Variants in SLIT3 observed in about 807,000 individuals in gnomAD.
The protein encoded by SLIT3 is slit guidance ligand 3.
In SLIT3, 68 loss-of-function variants were observed where a neutral mutation model predicts 184.0. That is an observed-to-expected ratio of 0.37 (90% confidence interval 0.30 to 0.45). SLIT3 has a LOEUF of 0.45. Among genes scored for constraint, SLIT3 ranks in the 20% least tolerant of loss-of-function variants. The pLI, the probability that SLIT3 is intolerant of heterozygous loss-of-function variation, is 1.00. For synonymous variants in SLIT3, 831 were observed against 828.6 expected (o/e 1.00, Z -0.05); for missense variants, 1,707 against 2,026.0 (o/e 0.84, Z 3.02).
intron 7 of SLIT3, among the ~76,000 whole-genome samples, chr5:168,820,835 G>C (rs1425576804): frequency 6.6e-6 from 1 of 152,228 alleles, no homozygotes; most frequent in Non-Finnish European, 1.5e-5. Flanking sequence ...GAGAGGGTCA[G>C]TGTTCATTTT....
intron 1 of SLIT3, among the ~76,000 whole-genome samples, chr5:169,265,978 C>A (rs1313470754): frequency 1.3e-5 from 2 of 152,170 alleles, no homozygotes; most frequent in Non-Finnish European, 2.9e-5. Flanking sequence ...GACAACCCAG[C>A]CAACACACTC....
chr5:168,918,631 C>T (rs1258965003), intron 4 of SLIT3, among the ~76,000 whole-genome samples: 1 of 152,162 alleles, frequency 6.6e-6, no homozygotes, highest in East Asian at 1.9e-4. Context: ...CATAAACGGA[C>T]ATGTGGCTAT....
intron 3 of SLIT3, among the ~76,000 whole-genome samples, chr5:169,224,946 A>T (rs1055067306): frequency 2.0e-5 from 3 of 152,170 alleles, no homozygotes; most frequent in Non-Finnish European, 4.4e-5. Context: ...GGCCTCCCGA[A>T]GTGCTGGGAT....
At chr5:168,852,537 A>G (rs146193615) in intron 5 of SLIT3, among the ~76,000 whole-genome samples, 98 of 152,366 alleles carry the variant, frequency 6.4e-4, no homozygotes, top group African/African-American at 2.2e-3. Flanking sequence ...TCGAGGACAC[A>G]AATCGGCACA....
intron 3 of SLIT3, among the ~76,000 whole-genome samples, chr5:169,224,554 G>A (rs1764733755): frequency 1.3e-5 from 2 of 152,030 alleles, no homozygotes; most frequent in Non-Finnish European, 2.9e-5. Context: ...TTTTTGTAGA[G>A]ATGGGGTCTC....
chr5:168,670,419 T>G (rs1445451069), intron 34 of SLIT3, among the ~76,000 whole-genome samples: 1 of 152,204 alleles, frequency 6.6e-6, no homozygotes, highest in Non-Finnish European at 1.5e-5. Flanking sequence ...CCAGTATTGC[T>G]CTGAATTTCC....
intron 23 of SLIT3, among the ~76,000 whole-genome samples, chr5:168,716,666 G>C (rs1350482371): frequency 6.6e-6 from 1 of 152,234 alleles, no homozygotes; most frequent in African/African-American, 2.4e-5. Flanking sequence ...CATCTTGGCA[G>C]AGCGGTCAGC....
chr5:169,231,825 A>G (rs1397084249), intron 3 of SLIT3, among the ~76,000 whole-genome samples: 1 of 152,212 alleles, frequency 6.6e-6, no homozygotes, highest in East Asian at 1.9e-4. Context: ...CTCATCACCA[A>G]CACTTGATAT....
intron 20 of SLIT3, among the ~76,000 whole-genome samples, chr5:168,739,227 G>T (rs181408792): frequency 1.2e-3 from 188 of 152,240 alleles, no homozygotes; most frequent in Admixed American, 3.6e-3. Flanking sequence ...CATGGGGAAA[G>T]TTCCATTCAA....
At chr5:168,857,369 T>TTTG (rs1443382110) in intron 5 of SLIT3, among the ~76,000 whole-genome samples, 1 of 137,030 alleles carries the variant, frequency 7.3e-6, no homozygotes, top group Non-Finnish European at 1.6e-5. Context: ...CAGTAGAGTT[T>TTTG]TTGTTTTTGT....
chr5:168,791,496 T>G (rs979335919), intron 10 of SLIT3: 1 of 152,248 alleles, frequency 6.6e-6, no homozygotes, highest in African/African-American at 2.4e-5. Flanking sequence ...ACTGCATATT[T>G]AGGCTGGTTC....
At chr5:168,946,733 C>G (rs1038949524) in intron 4 of SLIT3, among the ~76,000 whole-genome samples, 2 of 152,180 alleles carry the variant, frequency 1.3e-5, no homozygotes, top group Non-Finnish European at 2.9e-5. Flanking sequence ...CACACGCTCA[C>G]CCCCTAGCCC....
intron 8 of SLIT3, among the ~76,000 whole-genome samples, chr5:168,808,400 A>G (rs1399474575): frequency 6.6e-6 from 1 of 152,088 alleles, no homozygotes; most frequent in African/African-American, 2.4e-5. Flanking sequence ...CTATCATTTC[A>G]TCATTATTTC....
intron 20 of SLIT3, among the ~76,000 whole-genome samples, chr5:168,744,442 G>T (rs1053253187): frequency 1.3e-5 from 2 of 152,320 alleles, no homozygotes; most frequent in South Asian, 4.1e-4. Context: ...CAGATCTTCC[G>T]TGGAGACAAA....
intron 12 of SLIT3, among the ~76,000 whole-genome samples, chr5:168,780,487 G>C (rs1581074608): frequency 6.6e-6 from 1 of 152,256 alleles, no homozygotes; most frequent in East Asian, 1.9e-4. Context: ...TAGGCGTCTG[G>C]CATAACCCTT....
chr5:169,171,512 G>A (rs950018803), intron 4 of SLIT3, among the ~76,000 whole-genome samples: 3 of 152,194 alleles, frequency 2.0e-5, no homozygotes, highest in African/African-American at 4.8e-5. Context: ...GATTCCAGAG[G>A]TTGTAGCAGC....
In SLIT3 at chr5:169,238,461, G is replaced by C. The variant is rs566096074; in HGVS notation, c.341+6244C>G. Among the ~76,000 whole-genome samples, 7 of 150,030 alleles carry C rather than the reference G, an allele frequency of 4.7e-5. No individual in the cohort carries two copies. The South Asian group carries it at 1.5e-3, about 32-fold the overall frequency. ...TTCTTATTTAAAAACCTTTATATGG[G>C]CTTCAATCAGAATCCTTTTAACTGC... On this transcript the variant is annotated intron_variant, in intron 3 of 35. Transcript: ENST00000519560.
intron 28 of SLIT3, among the ~76,000 whole-genome samples, chr5:168,694,497 T>C (rs984314478): frequency 2.0e-5 from 3 of 152,218 alleles, no homozygotes; most frequent in African/African-American, 7.2e-5. Flanking sequence ...CTGTTGCTAA[T>C]GCAACTCTTG....
intron 18 of SLIT3, 110 bp downstream of exon 18, chr5:168,752,845 G>T: frequency 8.8e-7 from 1 of 1,141,092 alleles, no homozygotes; most frequent in Non-Finnish European, 1.3e-6. Flanking sequence ...GAGTTTTTAA[G>T]TGGACAGACA....
Sources: gnomAD v4.1 joint callset for allele counts (sites outside exome capture counted in the v4.1 genomes callset) on GRCh38, gnomAD v4.1.1 for gene constraint, MANE v1.5 for transcripts, NCBI Gene and HGNC (gene_info 2026-07-23, HGNC 2026-07-21) for gene names.